LCN10: variants seen among roughly 807,000 people sequenced by gnomAD.
LCN10 encodes lipocalin 10.
LCN10 carries 18 observed loss-of-function variants against 25.1 expected under a neutral mutation model. That is an observed-to-expected ratio of 0.72 (90% confidence interval 0.50 to 1.06). The LOEUF (loss-of-function observed/expected upper bound fraction) is 1.06. LCN10 is among the 50% of genes least tolerant of loss of function. LCN10 has a pLI of 0.00. For missense variants in LCN10, 257 were observed against 258.9 expected, an observed-to-expected ratio of 0.99 and a Z score of 0.05; for synonymous variants, 130 against 116.7, an observed-to-expected ratio of 1.11 and a Z score of -0.73.
chr9:136,742,909 C>T lies in LCN10; in HGVS notation c.-6G>A, dbSNP rs770477339. 12 of 1,612,820 alleles carry T rather than the reference C, an allele frequency of 7.4e-6. No individual in the cohort carries two copies. The East Asian group carries it at 2.5e-4, about 33-fold the overall frequency. On this transcript the variant is annotated 5_prime_UTR_variant, in exon 1 of 6. In the 5' UTR this introduces an upstream ATG that the reference lacks. Coordinates refer to ENST00000497771, the MANE Select transcript of LCN10 (RefSeq NM_001001712.3). ...ACCAGCAGCCCCTGCCTCATCTTCA[C>T]CCTCCTCCCTCAGCCGCCAAGGCCA...
rs898895201 is a variant in LCN10 at position 136,741,104 on chromosome 9, C to T, written c.367+148G>A. The T allele has an allele frequency of 5.1e-5, 50 of 980,626 alleles. 1 individual carries two copies. The highest frequency in any genetic ancestry group is 1.6e-4 in the African/African-American group (10 of 62,008). The allele number at this position is 980,626 out of a possible 1,614,324, so 60.7% of individuals were successfully genotyped here. On this transcript the variant is annotated intron_variant, in intron 3 of 5. Transcript: ENST00000497771. ...CGGGGCCTCCCCTCCCGGGCCAGGC[C>T]GCCCAGCACATGACGTGTGGGCTCT...
rs149760133 is a variant in LCN10 at position 136,739,145 on chromosome 9, A to G, written c.*380T>C. 1.2e-3 allele frequency: 289 copies of G among 236,204 alleles called. 1 individual carries two copies. The highest frequency in any genetic ancestry group is 6.3e-3 in the African/African-American group (276 of 44,114). 14.6% of individuals were successfully genotyped at this position (236,204 alleles called of 1,614,324 possible). A position where few individuals can be genotyped will look rare whatever the true frequency, so the allele number is the denominator to read the frequency against. ...GTGGATATGCGAACGGCTTCCTGAG[A>G]AAGTGCAGGATGTAAAGGAACGCGG... On this transcript the variant is annotated 3_prime_UTR_variant, in exon 6 of 6. Coordinates refer to ENST00000497771, the MANE Select transcript of LCN10 (RefSeq NM_001001712.3). The surrounding 1 kb of genome is among the most constrained non-coding windows in gnomAD (Gnocchi z 6.1).
rs371990989 is a variant in LCN10 at position 136,739,497 on chromosome 9, G to A, written c.*28C>T. ...CTCGGGTCTGGGAGGACCACGCGTC[G>A]AAAGGGAAGAGCAGAGGACGCTGGC... On this transcript the variant is annotated 3_prime_UTR_variant, in exon 6 of 6. Coordinates refer to ENST00000497771, the MANE Select transcript of LCN10 (RefSeq NM_001001712.3). The surrounding 1 kb of genome is among the most constrained non-coding windows in gnomAD (Gnocchi z 6.1). The A allele has an allele frequency of 3.9e-5, 62 of 1,590,150 alleles. No individual in the cohort carries two copies. The highest frequency in any genetic ancestry group is 7.1e-5 in the Admixed American group (4 of 56,280).
Position 136,741,871 on chromosome 9 carries a change from G to A in LCN10, c.257+10C>T, listed in dbSNP as rs1345283426. The stretch of plus-strand genomic sequence containing the variant: ...GGGAGACCCTTGCCTGGGGGGCGCT[G>A]CCCACTCACCGTCTGAAGGCGAGGA... On this transcript the variant is annotated intron_variant, in intron 2 of 5. Coordinates refer to ENST00000497771, the MANE Select transcript of LCN10 (RefSeq NM_001001712.3). 9 of 1,598,970 alleles carry A rather than the reference G, an allele frequency of 5.6e-6. No homozygotes were observed. In the Admixed American group the frequency reaches 1.2e-4, roughly 21 times the overall value.
Position 136,739,123 on chromosome 9 carries a change from G to T in LCN10, c.*402C>A, listed in dbSNP as rs140935336. 1.5e-3 allele frequency: 357 copies of T among 231,166 alleles called. 1 individual carries two copies. The highest frequency in any genetic ancestry group is 7.9e-3 in the African/African-American group (347 of 43,936). 14.3% of individuals were successfully genotyped at this position (231,166 alleles called of 1,614,324 possible). On this transcript the variant is annotated 3_prime_UTR_variant, in exon 6 of 6. Transcript: ENST00000497771. This position sits in a 1 kb window ranked among gnomAD's most constrained non-coding sequence, Gnocchi z 6.1. ...CATGGGGGCTCCTCCATGTTGGGTG[G>T]ATATGCGAACGGCTTCCTGAGAAAG... is the stretch of plus-strand genomic sequence containing the variant.
rs1455131350 is a variant in LCN10, at chr9:136,739,054, G to T, written c.*471C>A. On this transcript the variant is annotated 3_prime_UTR_variant, in exon 6 of 6. Coordinates refer to ENST00000497771, the MANE Select transcript of LCN10 (RefSeq NM_001001712.3). The surrounding 1 kb of genome is among the most constrained non-coding windows in gnomAD (Gnocchi z 6.1). ...CTCTGGGACTGCGTTTGCCGATTCT[G>T]TTCCCTAACGCAGCCGCAGGGGCCA... 1 of 202,882 alleles carries T rather than the reference G, an allele frequency of 4.9e-6. No homozygotes were observed. Among genetic ancestry groups the T allele is most frequent in the Non-Finnish European group, 1.0e-5 (1 of 98,412 alleles). 12.6% of individuals were successfully genotyped at this position (202,882 alleles called of 1,614,324 possible). A position where few individuals can be genotyped will look rare whatever the true frequency, so the allele number is the denominator to read the frequency against.
Position 136,741,342 on chromosome 9 carries a change from G to C in LCN10, c.277C>G (p.Gln93Glu). The change falls in exon 3 of 6, where the codon CAG (glutamine) becomes GAG (glutamate). Residue 93 changes from glutamine (Q) to glutamate (E), a missense_variant. Transcript: ENST00000497771. Reference sequence around the variant, plus strand: ...CCGTCTTTCCTCAGGATCACCTCCTGGGACTGGCACCCCTTCAACCTGGGG... The same window carrying C: ...CCGTCTTTCCTCAGGATCACCTCCTCGGACTGGCACCCCTTCAACCTGGGG... ...AFRRLKGCQSQEVILRKDGKK... is the reference protein window; with the variant it reads ...AFRRLKGCQSEEVILRKDGKK... The C allele has an allele frequency of 3.1e-6, 5 of 1,612,520 alleles. No homozygotes were observed. Among genetic ancestry groups the C allele is most frequent in the Non-Finnish European group, 3.4e-6 (4 of 1,179,726 alleles).
In LCN10 at chr9:136,739,412, A is replaced by G. The variant is rs1321783200; in HGVS notation, c.*113T>C. ...TTGATTTTCACACTGTCAATGACCT[A>G]GAGTCACCAAACACCTCTCAACAAG... On this transcript the variant is annotated 3_prime_UTR_variant, in exon 6 of 6. Transcript: ENST00000497771. The surrounding 1 kb of genome is among the most constrained non-coding windows in gnomAD (Gnocchi z 6.1). 8 of 1,104,440 alleles carry G rather than the reference A, an allele frequency of 7.2e-6. No individual in the cohort carries two copies. The highest frequency in any genetic ancestry group is 1.1e-5 in the Non-Finnish European group (8 of 743,578). 68.4% of individuals were successfully genotyped at this position (1,104,440 alleles called of 1,614,324 possible).
Position 136,741,995 on chromosome 9 carries a change from G to A in LCN10, c.143C>T (p.Ala48Val), listed in dbSNP as rs1308230603. 6.2e-7 allele frequency: 1 copy of A among 1,612,834 alleles called. No homozygotes were observed. The highest frequency in any genetic ancestry group is 1.3e-5 in the African/African-American group (1 of 74,940). Reference sequence around the variant, plus strand: ...GAATCCCTGGGCATCAGTGGCAGTGGCCAGAATGTACCAGAACCCTGAAAA... The same window carrying A: ...GAATCCCTGGGCATCAGTGGCAGTGACCAGAATGTACCAGAACCCTGAAAA... ...NKFSGFWYIL[A>V]TATDAQGFLP... The change falls in exon 2 of 6, where the codon GCC becomes GTC. Residue 48 changes from alanine to valine, a missense_variant. Ala to Val is a moderately conservative substitution (Grantham distance 64). Transcript: ENST00000497771.
intron 2 of LCN10, chr9:136,741,563 C>G: frequency 1.6e-6 from 1 of 606,556 alleles, no homozygotes; most frequent in East Asian, 2.8e-5. Context: ...TTTTCCAATT[C>G]GGACTGGGGC....
In LCN10 at chr9:136,740,799, C is replaced by G; in HGVS notation, c.475+37G>C. 1 of 1,551,330 alleles carries G rather than the reference C, an allele frequency of 6.4e-7. No homozygotes were observed. Among genetic ancestry groups the G allele is most frequent in the South Asian group, 1.1e-5 (1 of 87,290 alleles). On this transcript the variant is annotated intron_variant, in intron 4 of 5. Coordinates refer to ENST00000497771, the MANE Select transcript of LCN10 (RefSeq NM_001001712.3). The surrounding 1 kb of genome is among the most constrained non-coding windows in gnomAD (Gnocchi z 5.3). ...CCCCTCTATGCCTCCCTCTGCACCC[C>G]CTCCACCATCCTCTGCCATCCGCTG...
Position 136,739,084 on chromosome 9 carries a change from G to C in LCN10, c.*441C>G, listed in dbSNP as rs976342833. 4 of 215,840 alleles carry C rather than the reference G, an allele frequency of 1.9e-5. No homozygotes were observed. The highest frequency in any genetic ancestry group is 9.2e-5 in the African/African-American group (4 of 43,298). 13.4% of individuals were successfully genotyped at this position (215,840 alleles called of 1,614,324 possible). ...CTAACGCAGCCGCAGGGGCCAGCAC[G>C]CTGCCTGGCACGTCATGGGGGCTCC... On this transcript the variant is annotated 3_prime_UTR_variant, in exon 6 of 6. Coordinates refer to ENST00000497771, the MANE Select transcript of LCN10 (RefSeq NM_001001712.3). The surrounding 1 kb of genome is among the most constrained non-coding windows in gnomAD (Gnocchi z 6.1).
chr9:136,741,613 T>G, intron 2 of LCN10: 1 of 608,928 alleles, frequency 1.6e-6, no homozygotes, highest in South Asian at 2.0e-5. Context: ...CACCCACCCG[T>G]GTGGGGCCCA....
In LCN10 at chr9:136,742,936, T is replaced by C. The variant is rs940777422; in HGVS notation, c.-33A>G. On this transcript the variant is annotated 5_prime_UTR_variant, in exon 1 of 6. Coordinates refer to ENST00000497771, the MANE Select transcript of LCN10 (RefSeq NM_001001712.3). ...CTCCTCCCTCAGCCGCCAAGGCCAG[T>C]GTTTAAACCTCTCTGGAGCCGCCAG... 1 of 1,607,056 alleles carries C rather than the reference T, an allele frequency of 6.2e-7. No individual in the cohort carries two copies. The highest frequency in any genetic ancestry group is 1.1e-5 in the South Asian group (1 of 90,438).
At position 136,742,800 on chromosome 9, in the gene LCN10, AG is replaced by A. The variant is rs2131072762; in HGVS notation, c.103del (p.Leu35SerfsTer36). On this transcript the variant is annotated frameshift_variant, in exon 1 of 6. Transcript: ENST00000497771. LOFTEE classifies it high-confidence loss of function. ...CACATGGCTCACCTTGTTCCAGTTG[AG>A]GGCGTGGGACTCCCTGGGGTACCAC... The part of the protein sequence containing the change: ...QEWYPRESHA[L>X]NWNKFSGFWY... The A allele has an allele frequency of 1.2e-6, 2 of 1,613,356 alleles. No individual in the cohort carries two copies. The highest frequency in any genetic ancestry group is 1.1e-5 in the South Asian group (1 of 91,080).
rs752579342 is a variant in LCN10, at chr9:136,740,033, G to A, written c.491C>T (p.Ser164Leu). ...NLLLFHRQNV[S>L]SFQSLKEFMD... ...GAATTCCTTCAGACTCTGGAAGCTC[G>A]AAACATTCTGCCTATCTGAGGTTGA... Residue 164 changes from serine to leucine, a missense_variant, in exon 5 of 6, where the codon TCG becomes TTG. Physicochemically the swap from Ser to Leu is moderately radical, Grantham distance 145. Transcript: ENST00000497771. The surrounding 1 kb of genome is among the most constrained non-coding windows in gnomAD (Gnocchi z 5.3). The A allele has an allele frequency of 1.5e-5, 24 of 1,574,970 alleles. No homozygotes were observed. Among genetic ancestry groups the A allele is most frequent in the Admixed American group, 7.4e-5 (4 of 54,278 alleles).
Position 136,741,883 on chromosome 9 carries a change from T to G in LCN10, c.255A>C (p.Arg85Ser). ...VGQLRVLLAF[R>S]RLKGCQSQEV... ...CCTGGGGGGCGCTGCCCACTCACCG[T>G]CTGAAGGCGAGGAGCACGCGGAGCT... The change falls in exon 2 of 6, where the codon AGA becomes AGC. Residue 85 changes from arginine to serine, a missense_variant and splice_region_variant. Arg to Ser is a moderately radical substitution (Grantham distance 110). Transcript: ENST00000497771. 1.2e-6 allele frequency: 2 copies of G among 1,604,754 alleles called. No homozygotes were observed. The highest frequency in any genetic ancestry group is 2.2e-5 in the South Asian group (2 of 89,066).
Position 136,742,779 on chromosome 9 carries a change from T to G in LCN10, c.117+8A>C. The stretch of plus-strand genomic sequence containing the variant: ...GCCCGGCTCAGGGACCAGTGGCACA[T>G]GGCTCACCTTGTTCCAGTTGAGGGC... On this transcript the variant is annotated splice_region_variant and intron_variant, in intron 1 of 5. Coordinates refer to ENST00000497771, the MANE Select transcript of LCN10 (RefSeq NM_001001712.3). 1 of 1,613,200 alleles carries G rather than the reference T, an allele frequency of 6.2e-7. No homozygotes were observed. Among genetic ancestry groups the G allele is most frequent in the Non-Finnish European group, 8.5e-7 (1 of 1,179,700 alleles).
chr9:136,742,781 GCTCA>G lies in LCN10; in HGVS notation c.117+2_117+5del. 1.2e-6 allele frequency: 2 copies of G among 1,613,150 alleles called. No individual in the cohort carries two copies. The highest frequency in any genetic ancestry group is 2.2e-5 in the South Asian group (2 of 91,080). Reference sequence around the variant, plus strand: ...CCGGCTCAGGGACCAGTGGCACATGGCTCACCTTGTTCCAGTTGAGGGCGTGGGA... The same window carrying G: ...CCGGCTCAGGGACCAGTGGCACATGGCCTTGTTCCAGTTGAGGGCGTGGGA... On this transcript the variant is annotated splice_donor_variant and splice_donor_5th_base_variant and intron_variant, in intron 1 of 5. Transcript: ENST00000497771. LOFTEE classifies it high-confidence loss of function.
Sources: allele counts gnomAD v4.1 joint callset, GRCh38; gene constraint gnomAD v4.1.1; non-coding constraint Gnocchi (gnomAD v3.1); transcripts MANE v1.5; gene names NCBI Gene and HGNC (gene_info 2026-07-23, HGNC 2026-07-21).